LSAMP: variants seen among roughly 807,000 people sequenced by gnomAD.
The protein encoded by LSAMP is limbic system-associated membrane protein.
A neutral mutation model predicts 38.6 loss-of-function variants in LSAMP; 7 were observed. That is an observed-to-expected ratio of 0.18 (90% confidence interval 0.10 to 0.34). The LOEUF (loss-of-function observed/expected upper bound fraction) is 0.34, where lower values mean the gene tolerates loss of function less well. Among genes scored for constraint, LSAMP ranks in the 10% least tolerant of loss-of-function variants. The pLI, the probability that LSAMP is intolerant of heterozygous loss-of-function variation, is 1.00. For synonymous variants in LSAMP, 154 were observed against 166.8 expected (o/e 0.92, Z 0.59); for missense variants, 313 against 420.0 (o/e 0.75, Z 2.23).
intron 1 of LSAMP, among the ~76,000 whole-genome samples, chr3:116,397,967 A>G (rs2048790666): frequency 6.6e-6 from 1 of 151,130 alleles, no homozygotes; most frequent in Non-Finnish European, 1.5e-5. Flanking sequence ...TGTTTTGTAG[A>G]TTTTTCTCAT....
At chr3:116,301,996 C>T (rs1292993259) in intron 1 of LSAMP, among the ~76,000 whole-genome samples, 1 of 152,156 alleles carries the variant, frequency 6.6e-6, no homozygotes, top group East Asian at 1.9e-4. Flanking sequence ...CACACTCTAG[C>T]TCAGGTCCTT....
At chr3:116,068,156 C>T (rs1449554661) in intron 2 of LSAMP, among the ~76,000 whole-genome samples, 2 of 152,090 alleles carry the variant, frequency 1.3e-5, no homozygotes, top group South Asian at 2.1e-4. Flanking sequence ...AATATGTCAT[C>T]GATTTTAAAT....
chr3:115,872,745 TTTAA>T (rs1179475204), intron 3 of LSAMP, among the ~76,000 whole-genome samples: 1 of 152,126 alleles, frequency 6.6e-6, no homozygotes, highest in Non-Finnish European at 1.5e-5. Context: ...AGTACAAATA[TTTAA>T]TCCCTGAACA....
At chr3:116,271,265 A>G (rs1559807367) in intron 1 of LSAMP, among the ~76,000 whole-genome samples, 3 of 152,092 alleles carry the variant, frequency 2.0e-5, no homozygotes, top group Admixed American at 1.3e-4. Context: ...TGTCTGGTAA[A>G]TAAGTTAATT....
At chr3:116,263,174 G>A (rs977008283) in intron 1 of LSAMP, among the ~76,000 whole-genome samples, 2 of 152,074 alleles carry the variant, frequency 1.3e-5, no homozygotes, top group South Asian at 4.1e-4. Context: ...ATGTAATCAG[G>A]ACAAAAATAG....
At chr3:116,209,741 A>T (rs558063835) in intron 1 of LSAMP, among the ~76,000 whole-genome samples, 31 of 151,506 alleles carry the variant, frequency 2.0e-4, no homozygotes, top group African/African-American at 7.0e-4. Context: ...GGATTTATTT[A>T]TTATTTATTT....
chr3:116,273,149 T>A (rs1043920139), intron 1 of LSAMP, among the ~76,000 whole-genome samples: 3 of 152,130 alleles, frequency 2.0e-5, no homozygotes, highest in African/African-American at 7.2e-5. Context: ...TGAGTTCATG[T>A]GTGACCTACT....
chr3:115,867,390 G>T (rs999205735), intron 3 of LSAMP, among the ~76,000 whole-genome samples: 1 of 151,920 alleles, frequency 6.6e-6, no homozygotes, highest in African/African-American at 2.4e-5. Flanking sequence ...TAATTTTCTA[G>T]TGGGAAAAAC....
At chr3:116,273,707 T>TATATATATATATATATATATACATACAC (rs1307543165) in intron 1 of LSAMP, among the ~76,000 whole-genome samples, 1 of 102,650 alleles carries the variant, frequency 9.7e-6, no homozygotes, top group Non-Finnish European at 1.8e-5. Context: ...TATATATATA[T>TATATATATATATATATATATACATACAC]ACACACACAC....
chr3:116,391,866 T>C (rs556962599), intron 1 of LSAMP, among the ~76,000 whole-genome samples: 66 of 152,160 alleles, frequency 4.3e-4, no homozygotes, highest in Admixed American at 9.8e-4. Context: ...CTTCTCTGCC[T>C]GGGAAGAGGT....
At chr3:115,912,352 TTC>T (rs920142027) in intron 3 of LSAMP, among the ~76,000 whole-genome samples, 2 of 152,216 alleles carry the variant, frequency 1.3e-5, no homozygotes, top group Admixed American at 1.3e-4. Context: ...GTTTAATTTT[TTC>T]TTTTTGTGCA....
chr3:116,372,757 G>A (rs941615721), intron 1 of LSAMP, among the ~76,000 whole-genome samples: 2 of 150,576 alleles, frequency 1.3e-5, no homozygotes, highest in African/African-American at 4.9e-5. Context: ...AGAAGACACA[G>A]AAATTACTAA....
chr3:116,203,476 G>A (rs1465819463), intron 1 of LSAMP, among the ~76,000 whole-genome samples: 1 of 151,502 alleles, frequency 6.6e-6, no homozygotes, highest in African/African-American at 2.4e-5. Flanking sequence ...GTATACATGT[G>A]ACATGCTGGT....
chr3:116,129,680 T>C (rs1467538427), intron 1 of LSAMP, among the ~76,000 whole-genome samples: 3 of 152,212 alleles, frequency 2.0e-5, no homozygotes, highest in African/African-American at 7.2e-5. Context: ...CTTCCAGTGG[T>C]CATAGCACAA....
intron 3 of LSAMP, among the ~76,000 whole-genome samples, chr3:115,878,372 A>G (rs1936237391): frequency 1.3e-5 from 2 of 152,024 alleles, no homozygotes; most frequent in African/African-American, 4.8e-5. Context: ...GTGACAAACA[A>G]GGAAGAGATA....
chr3:116,164,758 A>ATTTT lies in LSAMP; in HGVS notation c.156-78203_156-78202insAAAA, dbSNP rs1476841112. Among the ~76,000 whole-genome samples the ATTTT allele has an allele frequency of 4.9e-4, 27 of 55,242 alleles. 1 individual carries two copies. Among genetic ancestry groups the ATTTT allele is most frequent in the Non-Finnish European group, 9.3e-4 (23 of 24,854 alleles). The allele number at this position is 55,242 out of a possible 152,430, so 36.2% of individuals were successfully genotyped here. A position where few individuals can be genotyped will look rare whatever the true frequency, so the allele number is the denominator to read the frequency against. On this transcript the variant is annotated intron_variant, in intron 1 of 6. Transcript: ENST00000490035. ...TATATATATCCATATATATATATAT[A>ATTTT]TATTTTTTTTTTTTTTCAAGTAGCA...
At chr3:116,184,450 G>A (rs923730963) in intron 1 of LSAMP, among the ~76,000 whole-genome samples, 3 of 151,966 alleles carry the variant, frequency 2.0e-5, no homozygotes, top group Non-Finnish European at 4.4e-5. Flanking sequence ...TTTCAAGACG[G>A]AATCTATATG....
chr3:116,424,680 A>G (rs2049171842), intron 1 of LSAMP, among the ~76,000 whole-genome samples: 1 of 152,208 alleles, frequency 6.6e-6, no homozygotes, highest in African/African-American at 2.4e-5. Flanking sequence ...TACTTACCCA[A>G]TAAATTCTAC....
chr3:115,839,154 T>C (rs1934898264), intron 6 of LSAMP, among the ~76,000 whole-genome samples: 1 of 152,178 alleles, frequency 6.6e-6, no homozygotes, highest in Non-Finnish European at 1.5e-5. Context: ...ATTAATCCCA[T>C]TTATTTGAAT....
Sources: allele counts gnomAD v4.1 joint callset (sites outside exome capture counted in the v4.1 genomes callset), GRCh38; gene constraint gnomAD v4.1.1; transcripts MANE v1.5; gene names NCBI Gene and HGNC (gene_info 2026-07-23, HGNC 2026-07-21).